Variants in DNAH5 observed in about 807,000 individuals in gnomAD.
DNAH5 encodes axonemal beta dynein heavy chain 5.
Under a neutral mutation model 518.2 loss-of-function variants are expected in DNAH5, and 372 were observed. The ratio of observed to expected loss-of-function variants is 0.72; its 90% CI spans 0.66 to 0.78. The LOEUF is 0.78. DNAH5 is among the 30% of genes least tolerant of loss of function. DNAH5 has a pLI of 0.00. For missense variants in DNAH5, 5,523 were observed against 5,687.0 expected, an observed-to-expected ratio of 0.97 and a Z score of 0.93; for synonymous variants, 2,039 against 2,025.9, an observed-to-expected ratio of 1.01 and a Z score of -0.17.
intron 44 of DNAH5, 48 bp downstream of exon 44, chr5:13,811,599 T>A: frequency 6.4e-7 from 1 of 1,553,464 alleles, no homozygotes; most frequent in Non-Finnish European, 8.9e-7. Flanking sequence ...CTGTGCAGCA[T>A]GGCTAAGTTG....
intron 59 of DNAH5, among the ~76,000 whole-genome samples, chr5:13,763,993 T>C (rs1206170463): frequency 6.6e-6 from 1 of 152,238 alleles, no homozygotes; most frequent in Non-Finnish European, 1.5e-5. Flanking sequence ...CTTATCGTTA[T>C]AGCTGCTGTG....
chr5:13,800,034 A>G (rs1468245679), intron 47 of DNAH5, among the ~76,000 whole-genome samples: 1 of 152,170 alleles, frequency 6.6e-6, no homozygotes, highest in Non-Finnish European at 1.5e-5. Context: ...GCATGGGGGA[A>G]TCTGGTAGTG....
chr5:13,795,440 G>C (rs1757674840), intron 47 of DNAH5, among the ~76,000 whole-genome samples: 1 of 152,150 alleles, frequency 6.6e-6, no homozygotes, highest in Non-Finnish European at 1.5e-5. Context: ...AAATAAACTA[G>C]AAAATCTAGA....
chr5:13,962,109 A>G (rs755624752), intron 1 of DNAH5, among the ~76,000 whole-genome samples: 6 of 152,126 alleles, frequency 3.9e-5, no homozygotes, highest in Non-Finnish European at 8.8e-5. Context: ...TGAAACCATC[A>G]CCACAATCAA....
intron 49 of DNAH5, among the ~76,000 whole-genome samples, chr5:13,792,808 T>C (rs1166812566): frequency 6.6e-6 from 1 of 152,226 alleles, no homozygotes; most frequent in African/African-American, 2.4e-5. Context: ...GACATTTTCG[T>C]TTGCCAGAAA....
At chr5:13,762,036 C>T (rs1343890122) in intron 60 of DNAH5, among the ~76,000 whole-genome samples, 1 of 152,100 alleles carries the variant, frequency 6.6e-6, no homozygotes, top group East Asian at 1.9e-4. Context: ...AATAATCAAC[C>T]AAGCCATGAG....
chr5:13,799,188 T>C (rs969953093), intron 47 of DNAH5, among the ~76,000 whole-genome samples: 2 of 144,444 alleles, frequency 1.4e-5, no homozygotes, highest in African/African-American at 2.6e-5. Context: ...CATTGTACAA[T>C]AGCAAAAAGA....
intron 69 of DNAH5, 116 bp downstream of exon 69, chr5:13,729,323 C>G: frequency 7.1e-7 from 1 of 1,403,956 alleles, no homozygotes; most frequent in Non-Finnish European, 1.0e-6. Context: ...CATGTAATAC[C>G]ATTTTAAGAG....
intron 16 of DNAH5, among the ~76,000 whole-genome samples, chr5:13,893,431 A>G (rs1773526336): frequency 6.6e-6 from 1 of 152,164 alleles, no homozygotes; most frequent in Non-Finnish European, 1.5e-5. Flanking sequence ...AAGTATATGG[A>G]TGTCTCCTAC....
chr5:13,962,710 T>C (rs1211187397), intron 1 of DNAH5, among the ~76,000 whole-genome samples: 1 of 152,086 alleles, frequency 6.6e-6, no homozygotes, highest in African/African-American at 2.4e-5. Flanking sequence ...TGATTAGATA[T>C]AAAGGGGATG....
intron 59 of DNAH5, among the ~76,000 whole-genome samples, chr5:13,764,851 C>A (rs1490622230): frequency 6.6e-6 from 1 of 152,182 alleles, no homozygotes; most frequent in Non-Finnish European, 1.5e-5. Context: ...CACACTGGTG[C>A]TGGTTCAAAC....
intron 30 of DNAH5, among the ~76,000 whole-genome samples, chr5:13,858,568 TA>T (rs33921536): frequency 0.99 from 150,043 of 151,878 alleles, 74,122 homozygotes; most frequent in East Asian, 1. Flanking sequence ...AAATATAATT[TA>T]AAAAAAAAAT....
chr5:13,762,184 A>T (rs763094730), intron 60 of DNAH5, among the ~76,000 whole-genome samples: 32 of 152,226 alleles, frequency 2.1e-4, no homozygotes, highest in Non-Finnish European at 4.0e-4. Context: ...CAAAGGAAAT[A>T]AAAAGCATGT....
rs747864433 is a variant in DNAH5 at position 13,870,793 on chromosome 5, T to C, written c.3808A>G (p.Ile1270Val). 2 of 1,613,672 alleles carry C rather than the reference T, an allele frequency of 1.2e-6. No individual in the cohort carries two copies. Among genetic ancestry groups the C allele is most frequent in the Non-Finnish European group, 8.5e-7 (1 of 1,179,692 alleles). Residue 1270 changes from isoleucine (I) to valine (V), a missense_variant, in exon 24 of 79, where the codon ATT becomes GTT. By Grantham distance (29) the Ile-to-Val change is conservative. Coordinates refer to ENST00000265104, the MANE Select transcript of DNAH5 (RefSeq NM_001369.3). ...TCAATAGGTCCTACTTGAAAGTCAA[T>C]GGAGATTTGCTCCTCCCTTATTTCT... ...LKEIREEQIS[I>V]DFQVGPIEES... is the part of the protein sequence containing the mutation.
At position 13,719,058 on chromosome 5, in the gene DNAH5, A is replaced by G. The variant is rs1445252642; in HGVS notation, c.12323T>C (p.Phe4108Ser). Reference sequence around the variant, plus strand: ...GATTATGTCCATCAGCTCATCCATGAAATCAAGTCCCAGATGGCAGTTCTG... The same window carrying G: ...GATTATGTCCATCAGCTCATCCATGGAATCAAGTCCCAGATGGCAGTTCTG... ...LLQNCHLGLD[F>S]MDELMDIIIE... The change falls in exon 72 of 79, where the codon TTC becomes TCC. Residue 4108 changes from phenylalanine to serine, a missense_variant. Physicochemically the swap from Phe to Ser is radical, Grantham distance 155. This residue lies in a region of DNAH5 where 5,121 missense variants were observed against 5,223.3 expected (regional missense o/e 0.98). Transcript: ENST00000265104. 3 of 1,614,032 alleles carry G rather than the reference A, an allele frequency of 1.9e-6. No homozygotes were observed. In the East Asian group the frequency reaches 6.7e-5, roughly 36 times the overall value.
intron 30 of DNAH5, among the ~76,000 whole-genome samples, chr5:13,854,417 A>C (rs1767316979): frequency 1.3e-5 from 2 of 152,214 alleles, no homozygotes; most frequent in Admixed American, 1.3e-4. Context: ...GCAAAAACAA[A>C]CCAAAATGTA....
intron 30 of DNAH5, among the ~76,000 whole-genome samples, chr5:13,857,871 T>C (rs1373462885): frequency 6.6e-6 from 1 of 152,160 alleles, no homozygotes; most frequent in African/African-American, 2.4e-5. Context: ...TCATGGTGGA[T>C]TAAAGATCTA....
chr5:13,867,868 A>G lies in DNAH5; in HGVS notation c.3959T>C (p.Leu1320Ser), dbSNP rs1427529925. ...CTTGAAACTGGGCTGCAGTGAGACT[A>G]ATTTATTCTGGACTTCGCCAGCACG... ...LARAGEVQNKLVSLQPSFKKE... is the reference protein window; with the variant it reads ...LARAGEVQNKSVSLQPSFKKE... Residue 1320 changes from leucine to serine, a missense_variant, in exon 25 of 79, where the codon TTA becomes TCA. Coordinates refer to ENST00000265104, the MANE Select transcript of DNAH5 (RefSeq NM_001369.3). The G allele has an allele frequency of 1.2e-6, 2 of 1,614,062 alleles. No individual in the cohort carries two copies. Among genetic ancestry groups the G allele is most frequent in the East Asian group, 4.5e-5 (2 of 44,882 alleles).
intron 76 of DNAH5, among the ~76,000 whole-genome samples, chr5:13,704,880 G>C (rs1742576024): frequency 6.6e-6 from 1 of 152,198 alleles, no homozygotes; most frequent in South Asian, 2.1e-4. Context: ...GGAGTGAGGA[G>C]GGAGGGAATA....
Sources: allele counts gnomAD v4.1 joint callset (sites outside exome capture counted in the v4.1 genomes callset), GRCh38; gene constraint gnomAD v4.1.1; regional missense constraint gnomAD v4.1.1; transcripts MANE v1.5; gene names NCBI Gene and HGNC (gene_info 2026-07-23, HGNC 2026-07-21).